Variants in DCLRE1A observed in about 807,000 individuals in gnomAD.
The protein encoded by DCLRE1A is DNA cross-link repair 1A, also known as DNA cross-link repair 1A protein.
A neutral mutation model predicts 91.9 loss-of-function variants in DCLRE1A; 64 were observed. The ratio of observed to expected loss-of-function variants is 0.70; its 90% CI spans 0.57 to 0.86. DCLRE1A has a LOEUF of 0.86. Among genes scored for constraint, DCLRE1A ranks in the 40% least tolerant of loss-of-function variants. DCLRE1A has a pLI of 0.00. For synonymous variants in DCLRE1A, 416 were observed against 431.1 expected, an observed-to-expected ratio of 0.96 and a Z score of 0.43; for missense variants, 1,145 against 1,213.3, an observed-to-expected ratio of 0.94 and a Z score of 0.84.
rs1255230124 is a variant in DCLRE1A, at chr10:113,849,770, C to T, written c.1335G>A (p.Gln445=). 1 of 1,614,022 alleles carries T rather than the reference C, an allele frequency of 6.2e-7. No individual in the cohort carries two copies. The highest frequency in any genetic ancestry group is 1.7e-5 in the Admixed American group (1 of 60,006). The change falls in exon 2 of 9, where the codon CAG becomes CAA. Residue 445 remains glutamine (Q), a synonymous_variant. Transcript: ENST00000361384. ...TGTAAACAGATGATTCTTCAATTAC[C>T]TGTTTCTGTTTATTTGATTGAGCTG... is the stretch of plus-strand genomic sequence containing the variant. ...FHSAQSNKQK[Q]VIEESSVYNQ...
chr10:113,845,910 T>A, intron 3 of DCLRE1A, 107 bp from the exon 4 acceptor site: 11 of 945,104 alleles, frequency 1.2e-5, no homozygotes, highest in Non-Finnish European at 1.7e-5. Context: ...TTCCTACTTA[T>A]ATTTAAGTAA....
chr10:113,842,393 G>A lies in DCLRE1A; in HGVS notation c.2615C>T (p.Ala872Val). The change falls in exon 6 of 9, where the codon GCT becomes GTT. Residue 872 changes from alanine (A) to valine (V), a missense_variant. Physicochemically the swap from Ala to Val is moderately conservative, Grantham distance 64. Transcript: ENST00000361384. ...AFEAVTLNPH[A>V]LVVCGTYSIG... ...AGAGTAAGTGCCACAGACAACAAGA[G>A]CATGTGGGTTTAGAGTTACAGCCTC... The A allele has an allele frequency of 6.2e-7, 1 of 1,613,932 alleles. No homozygotes were observed. Among genetic ancestry groups the A allele is most frequent in the Non-Finnish European group, 8.5e-7 (1 of 1,179,836 alleles).
At chr10:113,852,099 G>A (rs947527990) in intron 1 of DCLRE1A, among the ~76,000 whole-genome samples, 1 of 152,170 alleles carries the variant, frequency 6.6e-6, no homozygotes, top group Admixed American at 6.5e-5. Context: ...CACTTTGGGA[G>A]GCCGAGGCGG....
chr10:113,844,707 G>A (rs190416480), intron 4 of DCLRE1A, among the ~76,000 whole-genome samples: 1 of 152,182 alleles, frequency 6.6e-6, no homozygotes, highest in East Asian at 1.9e-4. Context: ...AGGCCGAAGC[G>A]GGTGTATCAC....
Position 113,850,289 on chromosome 10 carries a change from T to C in DCLRE1A, c.816A>G (p.Gly272=). The C allele has an allele frequency of 6.2e-7, 1 of 1,614,198 alleles. No homozygotes were observed. Among genetic ancestry groups the C allele is most frequent in the Non-Finnish European group, 8.5e-7 (1 of 1,180,042 alleles). ...AGTTGTTTGCAAGACGCAAAGCAAC[T>C]CCCACTAGTTTGTCATTCTCAACAA... ...TDFVENDKLV[G]VALRLANNSE... The change falls in exon 2 of 9, where the codon GGA becomes GGG. Residue 272 remains glycine, a synonymous_variant. Coordinates refer to ENST00000361384, the MANE Select transcript of DCLRE1A (RefSeq NM_014881.5).
rs74894666 is a variant in DCLRE1A, at chr10:113,838,928, G to A, written c.2821-1725C>T. 3.5e-3 allele frequency among the ~76,000 whole-genome samples: 531 copies of A among 152,024 alleles called. 3 individuals are homozygous for A. Among genetic ancestry groups the A allele is most frequent in the African/African-American group, 0.012 (488 of 41,436 alleles). ...ACTGTATTAGGATTACCTTTTCACAGAAAGTAATTATCTCTCATGAAACAC... is the reference window on the plus strand; with the variant it reads ...ACTGTATTAGGATTACCTTTTCACAAAAAGTAATTATCTCTCATGAAACAC... On this transcript the variant is annotated intron_variant, in intron 7 of 8. Transcript: ENST00000361384.
In DCLRE1A at chr10:113,852,738, G is replaced by C. The variant is rs1164493979; in HGVS notation, c.445C>G (p.Pro149Ala). 2 of 1,613,824 alleles carry C rather than the reference G, an allele frequency of 1.2e-6. No homozygotes were observed. Among genetic ancestry groups the C allele is most frequent in the Non-Finnish European group, 1.7e-6 (2 of 1,179,880 alleles). Residue 149 changes from proline to alanine, a missense_variant, in exon 1 of 9, where the codon CCA becomes GCA. By Grantham distance (27) the Pro-to-Ala change is conservative. Coordinates refer to ENST00000361384, the MANE Select transcript of DCLRE1A (RefSeq NM_014881.5). ...GCAGTCTTACCTGTTTCAGAGCGTG[G>C]TGGAGAATCCAAACATTCAAAAACA... ...WHVFECLDSP[P>A]RSETECPDGL...
At chr10:113,840,213 G>A (rs887594937) in intron 7 of DCLRE1A, among the ~76,000 whole-genome samples, 10 of 150,964 alleles carry the variant, frequency 6.6e-5, no homozygotes, top group Middle Eastern at 3.4e-3. Flanking sequence ...AGAATCGTTT[G>A]AACCTGGGAG....
chr10:113,850,458 T>C lies in DCLRE1A; in HGVS notation c.647A>G (p.Tyr216Cys), dbSNP rs750814161. ...LCSLEERWSS[Y>C]QNQTDNSVSN... ...AACCGAGTTATCAGTTTGGTTCTGA[T>C]ACGAAGACCATCTTTCCTCAAGGCT... is the stretch of plus-strand genomic sequence containing the variant. Residue 216 changes from tyrosine to cysteine, a missense_variant, in exon 2 of 9, where the codon TAT becomes TGT. By Grantham distance (194) the Tyr-to-Cys change is radical. Transcript: ENST00000361384. The C allele has an allele frequency of 4.3e-6, 7 of 1,614,188 alleles. 1 individual carries two copies. In the South Asian group the frequency reaches 6.6e-5, roughly 15 times the overall value.
intron 3 of DCLRE1A, among the ~76,000 whole-genome samples, chr10:113,846,758 AATGTAAATTCT>A: frequency 6.6e-6 from 1 of 152,334 alleles, no homozygotes; most frequent in Non-Finnish European, 1.5e-5. Flanking sequence ...CACCTAATAC[AATGTAAATTCT>A]ATGTAAATAG....
In DCLRE1A at chr10:113,850,176, T is replaced by G. The variant is rs1383908602; in HGVS notation, c.929A>C (p.His310Pro). The stretch of plus-strand genomic sequence containing the variant: ...ATCATCCGGTTTTTCATCGATATCA[T>G]GAGTGTCTTCATCACTTTGAAGTGG... ...YSPLQSDEDTHDIDEKPDDSQ... is the reference protein window; with the variant it reads ...YSPLQSDEDTPDIDEKPDDSQ... Residue 310 changes from histidine to proline, a missense_variant, in exon 2 of 9, where the codon CAT becomes CCT. Physicochemically the swap from His to Pro is moderately conservative, Grantham distance 77. Transcript: ENST00000361384. 6.2e-7 allele frequency: 1 copy of G among 1,614,188 alleles called. No homozygotes were observed. The highest frequency in any genetic ancestry group is 1.7e-5 in the Admixed American group (1 of 60,032).
intron 1 of DCLRE1A, 42 bp from the exon 2 acceptor site, chr10:113,850,686 T>G (rs1254481727): frequency 1.4e-6 from 2 of 1,461,066 alleles, no homozygotes; most frequent in Middle Eastern, 3.6e-4. Flanking sequence ...GATCAAAGCA[T>G]AGACTAAGCT....
Position 113,849,477 on chromosome 10 carries a change from TTAAGACCAGAAGGCAATATTTTCAAATAC to T in DCLRE1A, c.1599_1627del (p.Tyr534ValfsTer2), listed in dbSNP as rs776458581. 6.2e-7 allele frequency: 1 copy of T among 1,614,126 alleles called. No individual in the cohort carries two copies. On this transcript the variant is annotated frameshift_variant, in exon 2 of 9. Coordinates refer to ENST00000361384, the MANE Select transcript of DCLRE1A (RefSeq NM_014881.5). LOFTEE classifies it high-confidence loss of function. ...GGTAGAAGGATGTCTTGCATTATACTTAAGACCAGAAGGCAATATTTTCAAATACTTCGGAGCAGGTGTACTAGACAAGT... is the reference window on the plus strand; with the variant it reads ...GGTAGAAGGATGTCTTGCATTATACTTTCGGAGCAGGTGTACTAGACAAGT...
At chr10:113,846,994 T>C (rs1361958310) in intron 3 of DCLRE1A, among the ~76,000 whole-genome samples, 1 of 152,212 alleles carries the variant, frequency 6.6e-6, no homozygotes, top group African/African-American at 2.4e-5. Context: ...GTTTATCTTT[T>C]GTTTCCATGT....
chr10:113,847,317 T>C lies in DCLRE1A; in HGVS notation c.2144A>G (p.Asp715Gly). Residue 715 changes from aspartate to glycine, a missense_variant, in exon 3 of 9, where the codon GAT becomes GGT. By Grantham distance (94) the Asp-to-Gly change is moderately conservative (BLOSUM62 -1). Transcript: ENST00000361384. The stretch of plus-strand genomic sequence containing the variant: ...TTCAACCACGCCATACTGAAAGGCA[T>C]CAACTGTAAAGCCGGTTCCTGCAAT... The part of the protein sequence containing the change: ...KKIPGTGFTV[D>G]AFQYGVVEGC... 6 of 1,613,888 alleles carry C rather than the reference T, an allele frequency of 3.7e-6. No homozygotes were observed. The highest frequency in any genetic ancestry group is 5.1e-6 in the Non-Finnish European group (6 of 1,179,864).
At chr10:113,851,318 TG>T (rs1301614356) in intron 1 of DCLRE1A, among the ~76,000 whole-genome samples, 1 of 152,354 alleles carries the variant, frequency 6.6e-6, no homozygotes, top group Non-Finnish European at 1.5e-5. Context: ...AAAGAAGAGT[TG>T]TTTTTTTTCT....
At chr10:113,848,440 T>C (rs1186019744) in intron 2 of DCLRE1A, among the ~76,000 whole-genome samples, 1 of 152,182 alleles carries the variant, frequency 6.6e-6, no homozygotes, top group Non-Finnish European at 1.5e-5. Flanking sequence ...ATCTAGAACA[T>C]CAATAAAGCA....
intron 4 of DCLRE1A, 89 bp downstream of exon 4, chr10:113,845,596 A>G: frequency 1.0e-6 from 1 of 958,684 alleles, no homozygotes; most frequent in East Asian, 2.5e-5. Flanking sequence ...AAGCATATTA[A>G]TTATAATGAA....
In DCLRE1A at chr10:113,837,802, A is replaced by G. The variant is rs530920365; in HGVS notation, c.2821-599T>C. On this transcript the variant is annotated intron_variant, in intron 7 of 8. Coordinates refer to ENST00000361384, the MANE Select transcript of DCLRE1A (RefSeq NM_014881.5). ...TCCCCTTATAAGTCTTGAGTAGGAT[A>G]GAACTTCCCCAAACTAAAGTAATCA... Among the ~76,000 whole-genome samples the G allele has an allele frequency of 2.0e-5, 3 of 152,324 alleles. No individual in the cohort carries two copies. In the South Asian group the frequency reaches 6.2e-4, roughly 32 times the overall value.
Sources: gnomAD v4.1 joint callset for allele counts (sites outside exome capture counted in the v4.1 genomes callset) on GRCh38, gnomAD v4.1.1 for gene constraint, MANE v1.5 for transcripts, NCBI Gene and HGNC (gene_info 2026-07-23, HGNC 2026-07-21) for gene names.